PDE11A: variants seen among roughly 807,000 people sequenced by gnomAD.
PDE11A encodes the protein dual 3',5'-cyclic-AMP and -GMP phosphodiesterase 11A.
A neutral mutation model predicts 100.5 loss-of-function variants in PDE11A; 100 were observed. The observed-to-expected ratio is 1.00, with a 90% CI of 0.85 to 1.18. The LOEUF (loss-of-function observed/expected upper bound fraction) is 1.18, where lower values mean the gene tolerates loss of function less well. Among genes scored for constraint, PDE11A ranks in the 50% most tolerant of loss-of-function variants. The pLI is 0.00. For synonymous variants in PDE11A, 381 were observed against 420.8 expected, an observed-to-expected ratio of 0.91 and a Z score of 1.16; for missense variants, 1,141 against 1,152.6, an observed-to-expected ratio of 0.99 and a Z score of 0.15.
intron 9 of PDE11A, among the ~76,000 whole-genome samples, 161 bp from the exon 10 acceptor site, chr2:177,769,534 C>G (rs1423199466): frequency 1.3e-5 from 2 of 152,142 alleles, no homozygotes; most frequent in Non-Finnish European, 2.9e-5. Flanking sequence ...CATTCTCTGA[C>G]ATAATTCACA....
intron 10 of PDE11A, among the ~76,000 whole-genome samples, chr2:177,765,980 G>T (rs1178025325): frequency 6.6e-6 from 1 of 152,178 alleles, no homozygotes; most frequent in Non-Finnish European, 1.5e-5. Context: ...AGCATTGGAT[G>T]AATCAGTTTC....
chr2:177,925,901 C>T (rs1445146743), intron 2 of PDE11A, among the ~76,000 whole-genome samples: 2 of 152,152 alleles, frequency 1.3e-5, no homozygotes, highest in Admixed American at 6.5e-5. Flanking sequence ...TCAGGGGAAC[C>T]TGAGTGTTGC....
At chr2:178,100,500 C>T (rs547491186) in intron 2 of PDE11A, among the ~76,000 whole-genome samples, 181 of 152,268 alleles carry the variant, frequency 1.2e-3, no homozygotes, top group African/African-American at 3.2e-3. Flanking sequence ...TTATTGAAGT[C>T]TGTTTTTAGC....
At chr2:177,798,102 C>G (rs1299546565) in intron 9 of PDE11A, among the ~76,000 whole-genome samples, 1 of 152,182 alleles carries the variant, frequency 6.6e-6, no homozygotes, top group Non-Finnish European at 1.5e-5. Flanking sequence ...TACTTCAGTT[C>G]TCCCTACTTT....
chr2:177,816,956 A>G (rs757862597), intron 8 of PDE11A, 35 bp from the exon 9 acceptor site: 3 of 1,289,558 alleles, frequency 2.3e-6, no homozygotes, highest in African/African-American at 2.9e-5. Context: ...TAAACATTGC[A>G]GCAACTCATT....
At chr2:177,652,952 T>C (rs73040804) in intron 19 of PDE11A, among the ~76,000 whole-genome samples, 3,737 of 152,288 alleles carry the variant, frequency 0.025, 137 homozygotes, top group African/African-American at 0.084. Context: ...TCTGTTTGCA[T>C]ATATTTAAAT....
intron 5 of PDE11A, among the ~76,000 whole-genome samples, chr2:177,844,793 G>A (rs892226479): frequency 6.6e-6 from 1 of 151,246 alleles, no homozygotes; most frequent in Admixed American, 6.6e-5. Context: ...ATCTTGCACC[G>A]CCCTTAATCC....
At chr2:177,889,666 CTT>C (rs201494230) in intron 4 of PDE11A, among the ~76,000 whole-genome samples, 6,591 of 150,730 alleles carry the variant, frequency 0.044, 203 homozygotes, top group Middle Eastern at 0.12. Context: ...ATTATTTCTT[CTT>C]GTTTTTAATC....
At chr2:178,077,901 G>A (rs1480138358) in intron 2 of PDE11A, among the ~76,000 whole-genome samples, 4 of 151,350 alleles carry the variant, frequency 2.6e-5, no homozygotes, top group African/African-American at 9.7e-5. Flanking sequence ...CATTCTAGAA[G>A]AGAGGCATGA....
At chr2:178,049,555 C>T (rs1355360714) in intron 1 of PDE11A, among the ~76,000 whole-genome samples, 1 of 152,150 alleles carries the variant, frequency 6.6e-6, no homozygotes, top group African/African-American at 2.4e-5. Context: ...GGCAAGGCAT[C>T]GCCTCACCTG....
chr2:177,848,947 C>T (rs1288070630), intron 5 of PDE11A, among the ~76,000 whole-genome samples: 1 of 152,166 alleles, frequency 6.6e-6, no homozygotes, highest in Non-Finnish European at 1.5e-5. Context: ...GAAGACAAAA[C>T]ATCTTAATAA....
At chr2:177,725,522 T>A (rs182379221) in intron 12 of PDE11A, among the ~76,000 whole-genome samples, 4 of 152,172 alleles carry the variant, frequency 2.6e-5, no homozygotes, top group Admixed American at 2.6e-4. Context: ...GACAATGAAG[T>A]CTCCTCTTTC....
At chr2:177,743,715 A>G (rs1422598633) in intron 10 of PDE11A, among the ~76,000 whole-genome samples, 2 of 152,234 alleles carry the variant, frequency 1.3e-5, no homozygotes, top group Non-Finnish European at 1.5e-5. Context: ...ACTTGCTGGT[A>G]AGAATCTGCA....
rs559896956 is a variant in PDE11A at position 177,711,803 on chromosome 2, C to T, written c.2119G>A (p.Asp707Asn). 8.7e-5 allele frequency: 140 copies of T among 1,608,396 alleles called. No individual in the cohort carries two copies. In the South Asian group the frequency reaches 1.2e-3, roughly 13 times the overall value. The change falls in exon 13 of 20, where the codon GAC (aspartate) becomes AAC (asparagine). Residue 707 changes from aspartate to asparagine, a missense_variant. Coordinates refer to ENST00000286063, the MANE Select transcript of PDE11A (RefSeq NM_016953.4). ...AAGGCATTGTTGGTTCCCCTGTGGT[C>T]GAGGTCATGACACAGGCATCCCACA... ...VIVGCLCHDL[D>N]HRGTNNAFQA...
chr2:178,021,677 C>T (rs561365512), intron 1 of PDE11A, among the ~76,000 whole-genome samples: 9 of 152,244 alleles, frequency 5.9e-5, no homozygotes, highest in Admixed American at 1.3e-4. Context: ...CATAGCATTA[C>T]GGAACACAAC....
In PDE11A at chr2:177,631,566, TATAC is replaced by T. The variant is rs1383422532; in HGVS notation, c.2647-2008_2647-2005del. 2.4e-3 allele frequency among the ~76,000 whole-genome samples: 88 copies of T among 37,388 alleles called. 5 individuals are homozygous for T. In the Admixed American group the frequency reaches 0.035, roughly 15 times the overall value. The allele number at this position is 37,388 out of a possible 152,430, so 24.5% of individuals were successfully genotyped here. A position where few individuals can be genotyped will look rare whatever the true frequency, so the allele number is the denominator to read the frequency against. Reference sequence around the variant, plus strand: ...ATATATACACATGTATATATATATATATACATGTATATATATATACACACACATA... The same window carrying T: ...ATATATACACATGTATATATATATATATGTATATATATATACACACACATA... On this transcript the variant is annotated intron_variant, in intron 19 of 19. Coordinates refer to ENST00000286063, the MANE Select transcript of PDE11A (RefSeq NM_016953.4).
chr2:177,929,314 C>T (rs181538961), intron 2 of PDE11A, among the ~76,000 whole-genome samples: 5 of 152,282 alleles, frequency 3.3e-5, no homozygotes, highest in Admixed American at 1.3e-4. Context: ...TTTTGAGATA[C>T]CACTTTTTTG....
In PDE11A at chr2:177,727,980, G is replaced by A. The variant is rs77718618; in HGVS notation, c.1935+46C>T. Reference sequence around the variant, plus strand: ...ACCAGTGGTTCAGAGTGGCTAACACGTTGTCCCAGGTGAACTGCTTGGATC... The same window carrying A: ...ACCAGTGGTTCAGAGTGGCTAACACATTGTCCCAGGTGAACTGCTTGGATC... On this transcript the variant is annotated intron_variant, in intron 11 of 19. Coordinates refer to ENST00000286063, the MANE Select transcript of PDE11A (RefSeq NM_016953.4). 709 of 1,566,264 alleles carry A rather than the reference G, an allele frequency of 4.5e-4. 2 individuals are homozygous for A. The African/African-American group carries it at 8.5e-3, about 19-fold the overall frequency.
intron 10 of PDE11A, among the ~76,000 whole-genome samples, chr2:177,758,782 C>T (rs1574112663): frequency 6.6e-6 from 1 of 152,344 alleles, no homozygotes; most frequent in East Asian, 1.9e-4. Context: ...ACAGCAAGCA[C>T]AAGGGCCTTA....
Sources: gnomAD v4.1 joint callset for allele counts (sites outside exome capture counted in the v4.1 genomes callset) on GRCh38, gnomAD v4.1.1 for gene constraint, MANE v1.5 for transcripts, NCBI Gene and HGNC (gene_info 2026-07-23, HGNC 2026-07-21) for gene names.